Variants in WWOX observed in about 807,000 individuals in gnomAD.
The protein encoded by WWOX is WW domain containing oxidoreductase.
Under a neutral mutation model 46.2 loss-of-function variants are expected in WWOX, and 69 were observed. That is an observed-to-expected ratio of 1.49 (90% CI 1.23 to 1.82). The LOEUF (loss-of-function observed/expected upper bound fraction) is 1.82. Among genes scored for constraint, WWOX ranks in the 40% most tolerant of loss-of-function variants. The pLI, the probability that WWOX is intolerant of heterozygous loss-of-function variation, is 0.00. For missense variants in WWOX, 919 were observed against 542.6 expected (o/e 1.69, Z -6.89); for synonymous variants, 359 against 202.6 (o/e 1.77, Z -6.56).
intron 8 of WWOX, among the ~76,000 whole-genome samples, chr16:78,612,272 G>A (rs555277768): frequency 1.3e-5 from 2 of 152,304 alleles, no homozygotes; most frequent in East Asian, 3.9e-4. Context: ...GTGAAGGATG[G>A]CAAAGTGACT....
chr16:78,894,581 C>G (rs781163979), intron 8 of WWOX, among the ~76,000 whole-genome samples: 2 of 152,104 alleles, frequency 1.3e-5, no homozygotes, highest in African/African-American at 4.8e-5. Context: ...AGATGGTTGT[C>G]TTCTTTTTTA....
At position 78,774,856 on chromosome 16, in the gene WWOX, C is replaced by T. The variant is rs563799313; in HGVS notation, c.1056+342104C>T. Among the ~76,000 whole-genome samples the T allele has an allele frequency of 7.1e-4, 108 of 152,268 alleles. 1 individual carries two copies. The highest frequency in any genetic ancestry group is 2.6e-3 in the African/African-American group (107 of 41,552). ...CACATGCCCATTCTGCAAGTCCATC[C>T]CCTTATTGAGCAGATGTTTACCGCA... On this transcript the variant is annotated intron_variant, in intron 8 of 8. Transcript: ENST00000566780.
intron 8 of WWOX, among the ~76,000 whole-genome samples, chr16:78,630,761 G>A (rs1425551328): frequency 6.6e-6 from 1 of 152,038 alleles, no homozygotes; most frequent in Admixed American, 6.6e-5. Flanking sequence ...ACCAAACCTG[G>A]GTTGGCGTTT....
intron 8 of WWOX, among the ~76,000 whole-genome samples, chr16:78,829,090 GGATGGA>G (rs1237112478): frequency 4.7e-5 from 3 of 64,190 alleles, no homozygotes; most frequent in Non-Finnish European, 9.7e-5. Flanking sequence ...TCTGGAAGAT[GGATGGA>G]TGGATGGATG....
intron 5 of WWOX, among the ~76,000 whole-genome samples, chr16:78,310,624 A>G (rs888919481): frequency 1.3e-5 from 2 of 152,202 alleles, no homozygotes; most frequent in Admixed American, 1.3e-4. Flanking sequence ...GTCACAGTGG[A>G]AAAGGCATGC....
chr16:78,650,478 T>C (rs573673833), intron 8 of WWOX, among the ~76,000 whole-genome samples: 4 of 152,296 alleles, frequency 2.6e-5, no homozygotes, highest in East Asian at 3.9e-4. Context: ...AGCCTGCCCA[T>C]GCAATGCTTG....
At position 78,536,963 on chromosome 16, in the gene WWOX, C is replaced by G. The variant is rs3946857; in HGVS notation, c.1056+104211C>G. 8.3e-4 allele frequency among the ~76,000 whole-genome samples: 121 copies of G among 145,670 alleles called. 2 individuals carry two copies. In the East Asian group the frequency reaches 0.022, roughly 26 times the overall value. On this transcript the variant is annotated intron_variant, in intron 8 of 8. Coordinates refer to ENST00000566780, the MANE Select transcript of WWOX (RefSeq NM_016373.4). ...AGAGAGTCTCACTCTGTCACCCAGA[C>G]TGGATTGCAGTGGCACAATCTCAAC...
chr16:78,643,454 T>G (rs1239853449), intron 8 of WWOX, among the ~76,000 whole-genome samples: 1 of 152,106 alleles, frequency 6.6e-6, no homozygotes, highest in African/African-American at 2.4e-5. Context: ...TCATAAGGTG[T>G]GCTACCAAGT....
chr16:78,779,544 G>A (rs889456352), intron 8 of WWOX, among the ~76,000 whole-genome samples: 2 of 152,150 alleles, frequency 1.3e-5, no homozygotes, highest in Non-Finnish European at 2.9e-5. Context: ...AAGGCATTGT[G>A]CTCAGCTCTT....
intron 4 of WWOX, among the ~76,000 whole-genome samples, chr16:78,161,282 T>G (rs148447024): frequency 6.6e-6 from 1 of 152,224 alleles, no homozygotes; most frequent in African/African-American, 2.4e-5. Context: ...TTATATTTAA[T>G]GTAATGACAG....
intron 8 of WWOX, among the ~76,000 whole-genome samples, chr16:78,718,274 T>G (rs947045333): frequency 6.6e-6 from 1 of 151,912 alleles, no homozygotes; most frequent in Non-Finnish European, 1.5e-5. Context: ...TGCATTTCCA[T>G]GTTAAGAGAA....
At chr16:78,161,127 C>G (rs902911636) in intron 4 of WWOX, among the ~76,000 whole-genome samples, 3 of 151,748 alleles carry the variant, frequency 2.0e-5, no homozygotes, top group Admixed American at 2.0e-4. Flanking sequence ...TACAGTATAC[C>G]TTTTCTATTC....
chr16:78,613,915 A>G (rs1416767400), intron 8 of WWOX, among the ~76,000 whole-genome samples: 1 of 152,224 alleles, frequency 6.6e-6, no homozygotes, highest in Non-Finnish European at 1.5e-5. Context: ...TTTTGTAAAT[A>G]AAGTTTTATT....
intron 8 of WWOX, among the ~76,000 whole-genome samples, chr16:79,076,499 G>A (rs1490299361): frequency 3.3e-5 from 5 of 152,124 alleles, no homozygotes; most frequent in Non-Finnish European, 7.4e-5. Context: ...TGGCTTGTCC[G>A]GTGCATCCTC....
At chr16:78,791,249 C>A (rs1316603369) in intron 8 of WWOX, among the ~76,000 whole-genome samples, 1 of 151,996 alleles carries the variant, frequency 6.6e-6, no homozygotes, top group Admixed American at 6.6e-5. Context: ...AGCAAACACA[C>A]ACCCTCCCTC....
chr16:78,700,793 G>T (rs1475191457), intron 8 of WWOX, among the ~76,000 whole-genome samples: 1 of 152,202 alleles, frequency 6.6e-6, no homozygotes, highest in Non-Finnish European at 1.5e-5. Flanking sequence ...CACTGAGCGG[G>T]TGCTTAGTGA....
At chr16:79,084,288 G>C (rs1339868091) in intron 8 of WWOX, among the ~76,000 whole-genome samples, 1 of 152,024 alleles carries the variant, frequency 6.6e-6, no homozygotes, top group Non-Finnish European at 1.5e-5. Flanking sequence ...AAGAGAAGTA[G>C]AACTCTAAAT....
rs112654531 is a variant in WWOX at position 79,032,261 on chromosome 16, A to G, written c.1057-179347A>G. ...AGAGAGTCTATTATATATATTACAT[A>G]TACATAATATATACATAATATATAA... On this transcript the variant is annotated intron_variant, in intron 8 of 8. Transcript: ENST00000566780. Among the ~76,000 whole-genome samples the G allele has an allele frequency of 3.3e-4, 49 of 146,320 alleles. 1 individual carries two copies. Among genetic ancestry groups the G allele is most frequent in the African/African-American group, 1.2e-3 (47 of 40,398 alleles).
chr16:79,138,599 T>A (rs1358927076), intron 8 of WWOX, among the ~76,000 whole-genome samples: 1 of 152,182 alleles, frequency 6.6e-6, no homozygotes, highest in African/African-American at 2.4e-5. Flanking sequence ...TCTGGGCAAG[T>A]AAGTTTACCT....
Sources: gnomAD v4.1 joint callset for allele counts (sites outside exome capture counted in the v4.1 genomes callset) on GRCh38, gnomAD v4.1.1 for gene constraint, MANE v1.5 for transcripts, NCBI Gene and HGNC (gene_info 2026-07-23, HGNC 2026-07-21) for gene names.